EPHB1: variants seen among roughly 807,000 people sequenced by gnomAD.
The protein encoded by EPHB1 is EPH receptor B1.
EPHB1 carries 30 observed loss-of-function variants against 94.4 expected under a neutral mutation model. That is an observed-to-expected ratio of 0.32 (90% CI 0.24 to 0.43). The LOEUF (loss-of-function observed/expected upper bound fraction) is 0.43, where lower values mean the gene tolerates loss of function less well. Ranked by LOEUF, EPHB1 falls within the 20% of genes least tolerant of loss-of-function variation. The probability of loss-of-function intolerance (pLI) is 1.00; values close to 1 mark genes in which losing one functional copy is unlikely to be tolerated. For missense variants in EPHB1, 1,055 were observed against 1,308.3 expected (o/e 0.81, Z 2.99); for synonymous variants, 522 against 489.1 (o/e 1.07, Z -0.89).
At chr3:135,039,963 C>T (rs1000880460) in intron 3 of EPHB1, among the ~76,000 whole-genome samples, 1 of 152,216 alleles carries the variant, frequency 6.6e-6, no homozygotes, top group Non-Finnish European at 1.5e-5. Context: ...TGAGGACTGC[C>T]AGCATGCTGT....
intron 1 of EPHB1, among the ~76,000 whole-genome samples, chr3:134,884,068 T>G (rs1365804804): frequency 6.6e-6 from 1 of 152,206 alleles, no homozygotes; most frequent in Non-Finnish European, 1.5e-5. Context: ...GTGCTAGAGC[T>G]GTGTGCCCTG....
chr3:135,128,395 G>A (rs1940288674), intron 4 of EPHB1, among the ~76,000 whole-genome samples: 1 of 152,206 alleles, frequency 6.6e-6, no homozygotes. Context: ...TTATGCAGAC[G>A]CCAAATCTAC....
At chr3:134,898,043 ATGTTATC>A (rs1375496670) in intron 1 of EPHB1, among the ~76,000 whole-genome samples, 7 of 152,082 alleles carry the variant, frequency 4.6e-5, no homozygotes, top group Admixed American at 6.5e-5. Context: ...AAATAAATCA[ATGTTATC>A]TCTTGGGCCA....
Position 135,162,085 on chromosome 3 carries a change from G to A in EPHB1, c.1490G>A (p.Arg497Gln), listed in dbSNP as rs201303544. The change falls in exon 7 of 16, where the codon CGG (arginine) becomes CAG (glutamine). Residue 497 changes from arginine to glutamine, a missense_variant. Coordinates refer to ENST00000398015, the MANE Select transcript of EPHB1 (RefSeq NM_004441.5). ...QTNTARIDGL[R>Q]PGMVYVVQVR... ...AACACAGCAAGGATTGATGGGCTGC[G>A]GCCTGGCATGGTATATGTGGTACAG... 3.6e-5 allele frequency: 58 copies of A among 1,613,500 alleles called. No individual in the cohort carries two copies. The Admixed American group carries it at 7.0e-4, about 19-fold the overall frequency.
chr3:134,889,073 G>A (rs1293504999), intron 1 of EPHB1, among the ~76,000 whole-genome samples: 3 of 152,192 alleles, frequency 2.0e-5, no homozygotes, highest in African/African-American at 7.2e-5. Flanking sequence ...TCTGCTCAGT[G>A]CGATGGAAGC....
chr3:135,004,093 G>T (rs1241759363), intron 3 of EPHB1, among the ~76,000 whole-genome samples: 1 of 151,896 alleles, frequency 6.6e-6, no homozygotes, highest in Non-Finnish European at 1.5e-5. Flanking sequence ...GCAGCAGCTG[G>T]TACTGGTTGT....
At chr3:134,962,712 C>T (rs889221017) in intron 3 of EPHB1, among the ~76,000 whole-genome samples, 6 of 152,134 alleles carry the variant, frequency 3.9e-5, no homozygotes, top group African/African-American at 1.4e-4. Context: ...TCCCAGCTTA[C>T]CTCTGGGGCC....
chr3:134,976,737 T>TA (rs201542844), intron 3 of EPHB1, among the ~76,000 whole-genome samples: 45 of 151,026 alleles, frequency 3.0e-4, no homozygotes, highest in South Asian at 1.5e-3. Flanking sequence ...CTTATGGGGT[T>TA]AAAAAAAAAG....
At chr3:135,219,840 G>T (rs1037204286) in intron 12 of EPHB1, among the ~76,000 whole-genome samples, 4 of 152,124 alleles carry the variant, frequency 2.6e-5, no homozygotes, top group Admixed American at 1.3e-4. Context: ...AGGAAGGCGG[G>T]GATCTTGTCC....
rs749796150 is a variant in EPHB1, at chr3:134,987,893, G to C, written c.805+35841G>C. On this transcript the variant is annotated intron_variant, in intron 3 of 15. Transcript: ENST00000398015. ...CTGATACCTTGATCTTGGACGCCCA[G>C]CCTCCAGAACTGTAAGAAAATGAAT... is the stretch of plus-strand genomic sequence containing the variant. 2.6e-5 allele frequency among the ~76,000 whole-genome samples: 4 copies of C among 152,290 alleles called. No individual in the cohort carries two copies. In the South Asian group the frequency reaches 6.2e-4, roughly 24 times the overall value.
chr3:134,874,555 TA>T (rs1350176674), intron 1 of EPHB1, among the ~76,000 whole-genome samples: 2 of 152,224 alleles, frequency 1.3e-5, no homozygotes, highest in Non-Finnish European at 2.9e-5. Context: ...CAACAGATTC[TA>T]AAAACATTAC....
intron 1 of EPHB1, among the ~76,000 whole-genome samples, chr3:134,868,034 A>T (rs769239520): frequency 6.6e-6 from 1 of 152,232 alleles, no homozygotes; most frequent in Non-Finnish European, 1.5e-5. Flanking sequence ...CACCGCAGCC[A>T]TGGAGAAGAC....
rs549080590 is a variant in EPHB1, at chr3:134,841,708, A to G, written c.58+46019A>G. On this transcript the variant is annotated intron_variant, in intron 1 of 15. Transcript: ENST00000398015. Reference sequence around the variant, plus strand: ...ATCCTGCTTTGGCTTAACTCTCTGCATAACCTTAAGGAAACGTGTCCTCAG... The same window carrying G: ...ATCCTGCTTTGGCTTAACTCTCTGCGTAACCTTAAGGAAACGTGTCCTCAG... Among the ~76,000 whole-genome samples the G allele has an allele frequency of 3.6e-3, 551 of 152,324 alleles. 1 individual carries two copies. The highest frequency in any genetic ancestry group is 6.0e-3 in the Non-Finnish European group (411 of 68,018).
chr3:135,257,393 T>C (rs1177547248), intron 15 of EPHB1, among the ~76,000 whole-genome samples: 1 of 151,538 alleles, frequency 6.6e-6, no homozygotes, highest in Non-Finnish European at 1.5e-5. Flanking sequence ...AGATGGGTTT[T>C]TGGTGTGGAT....
At chr3:134,954,158 G>A (rs1033442319) in intron 3 of EPHB1, among the ~76,000 whole-genome samples, 1 of 152,212 alleles carries the variant, frequency 6.6e-6, no homozygotes, top group Non-Finnish European at 1.5e-5. Flanking sequence ...TGAACTCTGT[G>A]CCCTGAAAGG....
intron 3 of EPHB1, among the ~76,000 whole-genome samples, chr3:135,016,562 G>A (rs1179828460): frequency 6.6e-6 from 1 of 152,162 alleles, no homozygotes; most frequent in Middle Eastern, 3.2e-3. Context: ...CAGCCAGTGT[G>A]GAAGAGCAGA....
chr3:135,024,284 A>T (rs1368515184), intron 3 of EPHB1, among the ~76,000 whole-genome samples: 1 of 152,256 alleles, frequency 6.6e-6, no homozygotes, highest in African/African-American at 2.4e-5. Context: ...CTCGGGAAAA[A>T]TATAGAAACA....
At chr3:135,182,183 C>T (rs1356857118) in intron 10 of EPHB1, among the ~76,000 whole-genome samples, 1 of 152,196 alleles carries the variant, frequency 6.6e-6, no homozygotes, top group South Asian at 2.1e-4. Flanking sequence ...CTGAGGCTGA[C>T]TCTTCAGTGC....
chr3:135,088,890 G>A (rs1034466826), intron 3 of EPHB1, among the ~76,000 whole-genome samples: 4 of 152,274 alleles, frequency 2.6e-5, no homozygotes, highest in African/African-American at 9.6e-5. Flanking sequence ...AATATTAACT[G>A]CTATTAATAC....
Sources: allele counts gnomAD v4.1 joint callset (sites outside exome capture counted in the v4.1 genomes callset), GRCh38; gene constraint gnomAD v4.1.1; transcripts MANE v1.5; gene names NCBI Gene and HGNC (gene_info 2026-07-23, HGNC 2026-07-21).